Variants in SNX8 observed in about 807,000 individuals in gnomAD.
The protein encoded by SNX8 is sorting nexin 8.
SNX8 carries 25 observed loss-of-function variants against 51.6 expected under a neutral mutation model. The observed-to-expected ratio is 0.48, with a 90% CI of 0.35 to 0.68. SNX8 has a LOEUF of 0.68. Ranked by LOEUF, SNX8 falls within the 30% of genes least tolerant of loss-of-function variation. The pLI, the probability that SNX8 is intolerant of heterozygous loss-of-function variation, is 0.00. For synonymous variants in SNX8, 324 were observed against 277.0 expected (o/e 1.17, Z -1.68); for missense variants, 695 against 624.0 (o/e 1.11, Z -1.21).
At chr7:2,332,986 T>G (rs1021123296) in intron 1 of SNX8, among the ~76,000 whole-genome samples, 4 of 152,038 alleles carry the variant, frequency 2.6e-5, no homozygotes, top group Admixed American at 2.6e-4. Context: ...AAAGCTGTAG[T>G]AAGCTGGGCA....
At position 2,346,318 on chromosome 7, in the gene SNX8, T is replaced by C. The variant is rs546922460; in HGVS notation, c.-66+7904A>G. On this transcript the variant is annotated intron_variant, in intron 1 of 5. Coordinates refer to the SNX8 transcript ENST00000435336. ...AAAACTAGTTGGGTATGGTGGTGCA[T>C]GCCTGTAGCCCCAGCTACTGGGGAG... Among the ~76,000 whole-genome samples, 59 of 151,910 alleles carry C rather than the reference T, an allele frequency of 3.9e-4. No homozygotes were observed. The South Asian group carries it at 0.012, about 30-fold the overall frequency.
chr7:2,272,263 T>C (rs1441576763), intron 3 of SNX8, among the ~76,000 whole-genome samples: 1 of 152,208 alleles, frequency 6.6e-6, no homozygotes, highest in African/African-American at 2.4e-5. Flanking sequence ...ACGTGAGTGG[T>C]CACTTTAATC....
intron 4 of SNX8, among the ~76,000 whole-genome samples, chr7:2,270,140 C>G (rs1795608776): frequency 6.6e-6 from 1 of 151,870 alleles, no homozygotes; most frequent in Admixed American, 6.6e-5. Flanking sequence ...AGGCCCAGCC[C>G]CTGGCACCGG....
At position 2,257,752 on chromosome 7, in the gene SNX8, G is replaced by T. The variant is rs765912150; in HGVS notation, c.967C>A (p.Leu323Met). 19 of 1,613,902 alleles carry T rather than the reference G, an allele frequency of 1.2e-5. No individual in the cohort carries two copies. Among genetic ancestry groups the T allele is most frequent in the Middle Eastern group, 1.6e-4 (1 of 6,080 alleles). Residue 323 changes from leucine to methionine, a missense_variant, in exon 8 of 11, where the codon CTG becomes ATG. By Grantham distance (15) the Leu-to-Met change is conservative. Coordinates refer to ENST00000222990, the MANE Select transcript of SNX8 (RefSeq NM_013321.4). ...VVEKLNLFLD[L>M]LQSYKDLCER... ...AGACTCACCTTATAGGACTGCAGCA[G>T]ATCCAAGAAGAGGTTCAGCTTCTCC...
At chr7:2,316,880 C>T (rs528634513), upstream of SNX8, among the ~76,000 whole-genome samples, 3 of 152,364 alleles carry the variant, frequency 2.0e-5, no homozygotes, top group Non-Finnish European at 2.9e-5. Flanking sequence ...GGTCAGGAAG[C>T]CCTGTGCTGG....
upstream of SNX8, among the ~76,000 whole-genome samples, chr7:2,314,638 G>A (rs1028062629): frequency 2.0e-5 from 3 of 152,118 alleles, no homozygotes; most frequent in African/African-American, 4.8e-5. Context: ...CCGTCCACGT[G>A]GACACGGAGC....
At chr7:2,350,652 A>AT (rs55673011) in intron 1 of SNX8, among the ~76,000 whole-genome samples, 64 of 147,148 alleles carry the variant, frequency 4.3e-4, no homozygotes, top group East Asian at 2.0e-3. Context: ...TCTAAAAACA[A>AT]TTTTTTTTTT....
At chr7:2,343,121 G>A (rs1008978937) in intron 1 of SNX8, among the ~76,000 whole-genome samples, 1 of 151,620 alleles carries the variant, frequency 6.6e-6, no homozygotes, top group Non-Finnish European at 1.5e-5. Flanking sequence ...AGTAGAGGTG[G>A]GGGTTCACCA....
At chr7:2,309,883 G>C (rs1177946394) in intron 1 of SNX8, 2 of 470,932 alleles carry the variant, frequency 4.2e-6, no homozygotes, top group Admixed American at 2.4e-5. Context: ...AGAGGGGAAG[G>C]CTCGGGGCAG....
intron 1 of SNX8, among the ~76,000 whole-genome samples, chr7:2,298,340 T>G (rs1275975358): frequency 1.3e-5 from 2 of 151,974 alleles, no homozygotes; most frequent in African/African-American, 4.8e-5. Context: ...GCTCTGAACT[T>G]TTCTTTTTCG....
chr7:2,290,897 G>A (rs1043918252), intron 1 of SNX8, among the ~76,000 whole-genome samples: 2 of 152,230 alleles, frequency 1.3e-5, no homozygotes, highest in South Asian at 2.1e-4. Flanking sequence ...AGGAACCCAG[G>A]TGAGGAAACA....
intron 1 of SNX8, among the ~76,000 whole-genome samples, chr7:2,289,501 G>A (rs1188295666): frequency 1.3e-5 from 2 of 152,158 alleles, no homozygotes; most frequent in African/African-American, 2.4e-5. Flanking sequence ...GGAGGACTGT[G>A]CCTCTTTTAA....
chr7:2,303,397 G>A (rs186598294), intron 1 of SNX8, among the ~76,000 whole-genome samples: 3,996 of 151,616 alleles, frequency 0.026, 183 homozygotes, highest in African/African-American at 0.09. Flanking sequence ...CTGCCCGGCC[G>A]CCCCTACTGG....
intron 5 of SNX8, among the ~76,000 whole-genome samples, chr7:2,265,904 G>C (rs1016734317): frequency 6.6e-6 from 1 of 151,978 alleles, no homozygotes; most frequent in Non-Finnish European, 1.5e-5. Context: ...TTGAGGCCAA[G>C]AGTTCAAGAC....
chr7:2,295,744 T>G (rs1488757762), intron 1 of SNX8, among the ~76,000 whole-genome samples: 1 of 152,170 alleles, frequency 6.6e-6, no homozygotes, highest in Non-Finnish European at 1.5e-5. Context: ...ATTTAAGTCT[T>G]GAGTTGATTT....
At position 2,269,592 on chromosome 7, in the gene SNX8, T is replaced by C; in HGVS notation, c.588A>G (p.Glu196=). 2 of 1,592,710 alleles carry C rather than the reference T, an allele frequency of 1.3e-6. No homozygotes were observed. The highest frequency in any genetic ancestry group is 1.1e-5 in the South Asian group (1 of 87,104). Residue 196 remains glutamate (E), a synonymous_variant, in exon 5 of 11, where the codon GAA becomes GAG. Transcript: ENST00000222990. Reference sequence around the variant, plus strand: ...TGGTAGCCAGCTTACAGTTCAGGAATTCGTCCCCGACGCACTGTGCTGACT... The same window carrying C: ...TGGTAGCCAGCTTACAGTTCAGGAACTCGTCCCCGACGCACTGTGCTGACT... ...LKESAQCVGD[E]FLNCKLATRA...
At chr7:2,305,584 G>A (rs1015130522) in intron 1 of SNX8, among the ~76,000 whole-genome samples, 7 of 151,904 alleles carry the variant, frequency 4.6e-5, no homozygotes, top group Admixed American at 2.6e-4. Context: ...TGCTGGTCTC[G>A]AACTCCTGAC....
intron 1 of SNX8, among the ~76,000 whole-genome samples, chr7:2,321,630 G>A (rs1321642647): frequency 6.7e-6 from 1 of 149,936 alleles, no homozygotes; most frequent in African/African-American, 2.5e-5. Flanking sequence ...GTTTCACTGT[G>A]GTCTCGATCT....
intron 7 of SNX8, among the ~76,000 whole-genome samples, chr7:2,262,185 G>A (rs370212869): frequency 1.3e-5 from 2 of 152,006 alleles, no homozygotes; most frequent in African/African-American, 4.8e-5. Context: ...CTACAGACAC[G>A]CACCACCACC....
Sources: gnomAD v4.1 joint callset for allele counts (sites outside exome capture counted in the v4.1 genomes callset) on GRCh38, gnomAD v4.1.1 for gene constraint, MANE v1.5 for transcripts, NCBI Gene and HGNC (gene_info 2026-07-23, HGNC 2026-07-21) for gene names.